ZNF69: variants seen among roughly 807,000 people sequenced by gnomAD.
ZNF69 encodes zinc finger protein 69.
ZNF69 carries 47 observed loss-of-function variants against 50.9 expected under a neutral mutation model. The observed-to-expected ratio is 0.92, with a 90% confidence interval of 0.73 to 1.18. The LOEUF is 1.18. Ranked by LOEUF, ZNF69 falls within the 50% of genes most tolerant of loss-of-function variation. The probability of loss-of-function intolerance (pLI) is 0.00; values close to 1 mark genes in which losing one functional copy is unlikely to be tolerated. For missense variants in ZNF69, 717 were observed against 675.1 expected (o/e 1.06, Z -0.69); for synonymous variants, 216 against 223.1 (o/e 0.97, Z 0.29).
At chr19:11,934,188 T>TTA in the ZNF69 span, among the ~76,000 whole-genome samples, 7 of 147,644 alleles carry the variant, frequency 4.7e-5, 1 homozygote, top group African/African-American at 1.9e-4. Context: ...TATTTTTTTT[T>TTA]AAAAAAAGAC....
rs1211164586 is a variant in ZNF69, at chr19:11,905,441, A to T, written c.1044A>T (p.Gln348His). ...CATTATCCTCTCTTACAAGTTTTCA[A>T]ACACACATAAGAATGCACTCTGGAG... The part of the protein sequence containing the change: ...GKALSSLTSF[Q>H]THIRMHSGER... Residue 348 changes from glutamine (Q) to histidine (H), a missense_variant, in exon 4 of 4, where the codon CAA (glutamine) becomes CAT (histidine). Physicochemically the swap from Gln to His is conservative, Grantham distance 24. Transcript: ENST00000429654. 1 of 1,614,230 alleles carries T rather than the reference A, an allele frequency of 6.2e-7. No homozygotes were observed. Among genetic ancestry groups the T allele is most frequent in the Non-Finnish European group, 8.5e-7 (1 of 1,180,036 alleles).
chr19:11,926,340 G>A, the ZNF69 span, among the ~76,000 whole-genome samples: 1 of 152,124 alleles, frequency 6.6e-6, no homozygotes, highest in Non-Finnish European at 1.5e-5. Context: ...AATTTTCAGG[G>A]TTTTTTGCGG....
downstream of ZNF69, among the ~76,000 whole-genome samples, chr19:11,917,483 C>T (rs1369288733): frequency 3.3e-5 from 5 of 152,188 alleles, no homozygotes; most frequent in Non-Finnish European, 4.4e-5. Context: ...CAAGTGGTTC[C>T]TAAGCTTGAA....
chr19:11,906,977 C>T (rs562433230), downstream of ZNF69, among the ~76,000 whole-genome samples: 7 of 152,216 alleles, frequency 4.6e-5, 1 homozygote, highest in Non-Finnish European at 8.8e-5. Flanking sequence ...GTAGAGAAGA[C>T]CTTAAATGAC....
the ZNF69 span, among the ~76,000 whole-genome samples, chr19:11,939,036 G>A: frequency 6.4e-3 from 975 of 152,310 alleles, 9 homozygotes; most frequent in Non-Finnish European, 9.5e-3. Flanking sequence ...TTTGAGAAGT[G>A]TCTGTTCATG....
At chr19:11,900,772 CCTCT>C (rs1335565078) in intron 1 of ZNF69, among the ~76,000 whole-genome samples, 9 of 152,218 alleles carry the variant, frequency 5.9e-5, no homozygotes, top group African/African-American at 1.7e-4. Context: ...CTGTCTGCTG[CCTCT>C]CTTTTTCTTC....
the ZNF69 span, among the ~76,000 whole-genome samples, chr19:11,922,593 A>T: frequency 0.37 from 55,523 of 151,874 alleles, 11,388 homozygotes; most frequent in African/African-American, 0.55. Context: ...TTCTCCTCCC[A>T]TCCTCCCTGA....
At chr19:11,937,268 G>C in the ZNF69 span, among the ~76,000 whole-genome samples, 1 of 152,074 alleles carries the variant, frequency 6.6e-6, no homozygotes, top group Non-Finnish European at 1.5e-5. Flanking sequence ...GTGAAGTTCT[G>C]TATCTAATTC....
the ZNF69 span, among the ~76,000 whole-genome samples, chr19:11,931,185 A>G: frequency 6.8e-6 from 1 of 147,730 alleles, no homozygotes; most frequent in Non-Finnish European, 1.5e-5. Flanking sequence ...ATTACCATAG[A>G]CTGGGTGACT....
chr19:11,918,487 C>T (rs1004387613), downstream of ZNF69, among the ~76,000 whole-genome samples: 1 of 152,046 alleles, frequency 6.6e-6, no homozygotes, highest in African/African-American at 2.4e-5. Flanking sequence ...TTTTTCTCCT[C>T]GTTTTCTTTT....
chr19:11,947,703 A>T, the ZNF69 span: 1 of 980,740 alleles, frequency 1.0e-6, no homozygotes, highest in Non-Finnish European at 1.5e-6. Flanking sequence ...ATATTTTCTC[A>T]AAAAACATAT....
chr19:11,969,884 T>A, the ZNF69 span, among the ~76,000 whole-genome samples: 1 of 152,176 alleles, frequency 6.6e-6, no homozygotes, highest in East Asian at 1.9e-4. Context: ...TTCTGGAAAC[T>A]TTACAGGGTG....
chr19:11,892,001 C>T (rs536356819), intron 1 of ZNF69, among the ~76,000 whole-genome samples: 20 of 151,964 alleles, frequency 1.3e-4, no homozygotes, highest in African/African-American at 4.4e-4. Context: ...TTTCTTTGAG[C>T]GAATGTCTTG....
chr19:11,965,215 C>T, the ZNF69 span: 2 of 1,614,012 alleles, frequency 1.2e-6, no homozygotes, highest in Non-Finnish European at 1.7e-6. Context: ...GGAAATGGTG[C>T]GTGTGCATAG....
At chr19:11,939,531 G>T in the ZNF69 span, among the ~76,000 whole-genome samples, 1 of 152,184 alleles carries the variant, frequency 6.6e-6, no homozygotes, top group South Asian at 2.1e-4. Flanking sequence ...AGATCAGATG[G>T]TTGTATATGT....
At chr19:11,933,813 C>G in the ZNF69 span, among the ~76,000 whole-genome samples, 1 of 143,818 alleles carries the variant, frequency 7.0e-6, no homozygotes, top group Non-Finnish European at 1.5e-5. Flanking sequence ...CCACTGCACT[C>G]TAGCCTGGGT....
the ZNF69 span, among the ~76,000 whole-genome samples, chr19:11,938,675 G>A: frequency 3.3e-5 from 5 of 152,080 alleles, no homozygotes; most frequent in Admixed American, 2.0e-4. Flanking sequence ...GAATGGTGCC[G>A]CAATAAACAT....
Position 11,903,708 on chromosome 19 carries a change from G to A in ZNF69, c.190+9G>A, listed in dbSNP as rs765092532. 2.0e-5 allele frequency: 33 copies of A among 1,613,738 alleles called. No homozygotes were observed. Among genetic ancestry groups the A allele is most frequent in the Admixed American group, 3.3e-5 (2 of 59,922 alleles). The stretch of plus-strand genomic sequence containing the variant: ...GAACCTGACCTCTGTAGGTAAGGAT[G>A]ACATATTCCTTCCCTCAGTCCATTA... On this transcript the variant is annotated intron_variant, in intron 2 of 3. Coordinates refer to ENST00000429654, the MANE Select transcript of ZNF69 (RefSeq NM_001364730.1).
intron 1 of ZNF69, among the ~76,000 whole-genome samples, chr19:11,891,827 T>G (rs2145210085): frequency 6.6e-6 from 1 of 152,282 alleles, no homozygotes; most frequent in African/African-American, 2.4e-5. Flanking sequence ...AAGGAGTGTT[T>G]CTTGTTAGTC....
Sources: allele counts gnomAD v4.1 joint callset (sites outside exome capture counted in the v4.1 genomes callset), GRCh38; gene constraint gnomAD v4.1.1; transcripts MANE v1.5; gene names NCBI Gene and HGNC (gene_info 2026-07-23, HGNC 2026-07-21).